Variants in GRID2 observed in about 807,000 individuals in gnomAD.
GRID2 encodes glutamate ionotropic receptor delta type subunit 2.
A neutral mutation model predicts 114.8 loss-of-function variants in GRID2; 33 were observed. That is an observed-to-expected ratio of 0.29 (90% CI 0.22 to 0.38). The LOEUF (loss-of-function observed/expected upper bound fraction) is 0.38. Ranked by LOEUF, GRID2 falls within the 10% of genes least tolerant of loss-of-function variation. The pLI is 1.00. For synonymous variants in GRID2, 505 were observed against 449.9 expected (o/e 1.12, Z -1.55); for missense variants, 1,184 against 1,257.7 (o/e 0.94, Z 0.89).
At chr4:92,771,421 T>A (rs540876744) in intron 2 of GRID2, among the ~76,000 whole-genome samples, 1 of 152,190 alleles carries the variant, frequency 6.6e-6, no homozygotes, top group Non-Finnish European at 1.5e-5. Context: ...GTAATCTGTT[T>A]TCTTCTTTCT....
chr4:92,550,785 A>C (rs1404570884), intron 1 of GRID2, among the ~76,000 whole-genome samples: 3 of 152,190 alleles, frequency 2.0e-5, no homozygotes, highest in Admixed American at 1.3e-4. Context: ...GAAAATCAAA[A>C]ATGTAATACT....
chr4:92,913,825 G>A (rs1030665284), intron 2 of GRID2, among the ~76,000 whole-genome samples: 6 of 151,918 alleles, frequency 3.9e-5, no homozygotes, highest in East Asian at 3.9e-4. Context: ...AAAGTGAAAC[G>A]ACTCAAATTC....
At chr4:93,307,215 TAA>T (rs1164505879) in intron 8 of GRID2, among the ~76,000 whole-genome samples, 1 of 95,092 alleles carries the variant, frequency 1.1e-5, no homozygotes. Context: ...AAGAAAAAAA[TAA>T]AAAAAAAAAA....
chr4:92,859,726 TC>T (rs2149433367), intron 2 of GRID2, among the ~76,000 whole-genome samples: 1 of 152,290 alleles, frequency 6.6e-6, no homozygotes, highest in East Asian at 1.9e-4. Flanking sequence ...GTTTCTTTAT[TC>T]TCTTTATTAG....
chr4:93,358,750 G>A (rs1761586486), intron 8 of GRID2, among the ~76,000 whole-genome samples: 3 of 151,794 alleles, frequency 2.0e-5, no homozygotes, highest in Admixed American at 2.0e-4. Context: ...ATCATATCTG[G>A]AACAAATAAG....
intron 10 of GRID2, 95 bp downstream of exon 10, chr4:93,423,063 A>G: frequency 1.2e-6 from 1 of 817,404 alleles, no homozygotes. Context: ...AGCTGATTTC[A>G]TATAAAATAA....
At chr4:92,982,120 C>T (rs1389366254) in intron 2 of GRID2, among the ~76,000 whole-genome samples, 2 of 151,212 alleles carry the variant, frequency 1.3e-5, no homozygotes, top group Non-Finnish European at 2.9e-5. Context: ...TTTTTACTCC[C>T]CTACTCAACT....
intron 13 of GRID2, among the ~76,000 whole-genome samples, chr4:93,527,797 G>C (rs536495438): frequency 6.6e-6 from 1 of 151,776 alleles, no homozygotes; most frequent in African/African-American, 2.4e-5. Flanking sequence ...TGCAACCATC[G>C]CCACCATCCA....
intron 13 of GRID2, among the ~76,000 whole-genome samples, chr4:93,529,431 C>A (rs528702613): frequency 6.6e-6 from 1 of 152,108 alleles, no homozygotes; most frequent in East Asian, 1.9e-4. Context: ...TTAGAGCCCA[C>A]GGCAGAACTA....
At chr4:92,370,050 G>A (rs988519221) in intron 1 of GRID2, among the ~76,000 whole-genome samples, 3 of 151,684 alleles carry the variant, frequency 2.0e-5, no homozygotes, top group Admixed American at 6.6e-5. Context: ...ACCATATATC[G>A]AGCAAGTCTA....
chr4:93,558,563 T>C (rs1734567741), intron 13 of GRID2, among the ~76,000 whole-genome samples: 1 of 152,076 alleles, frequency 6.6e-6, no homozygotes, highest in East Asian at 1.9e-4. Flanking sequence ...AATAGGCCAA[T>C]AGTAAGTTCT....
In GRID2 at chr4:93,531,792, C is replaced by T. The variant is rs569055878; in HGVS notation, c.2193+16381C>T. 1.2e-3 allele frequency among the ~76,000 whole-genome samples: 187 copies of T among 152,036 alleles called. 1 individual carries two copies. Among genetic ancestry groups the T allele is most frequent in the African/African-American group, 4.4e-3 (181 of 41,494 alleles). Reference sequence around the variant, plus strand: ...TTGCATATTTTATTTCTGCATATTACAATACATTATGTTCATTGTATTAAC... The same window carrying T: ...TTGCATATTTTATTTCTGCATATTATAATACATTATGTTCATTGTATTAAC... On this transcript the variant is annotated intron_variant, in intron 13 of 15. Coordinates refer to ENST00000282020, the MANE Select transcript of GRID2 (RefSeq NM_001510.4).
rs574377742 is a variant in GRID2 at position 93,600,855 on chromosome 4, T to C, written c.2194-25414T>C. 2.2e-4 allele frequency among the ~76,000 whole-genome samples: 33 copies of C among 152,290 alleles called. No individual in the cohort carries two copies. The East Asian group carries it at 5.6e-3, about 26-fold the overall frequency. ...GCAAGAAATAATAATGAGCTACTGA[T>C]ACACAAACCAGTTGGCTGTATCTGA... On this transcript the variant is annotated intron_variant, in intron 13 of 15. Coordinates refer to ENST00000282020, the MANE Select transcript of GRID2 (RefSeq NM_001510.4).
At chr4:92,581,473 T>C (rs1428080330) in intron 1 of GRID2, among the ~76,000 whole-genome samples, 1 of 152,102 alleles carries the variant, frequency 6.6e-6, no homozygotes, top group Non-Finnish European at 1.5e-5. Flanking sequence ...CAGTCAGACT[T>C]TTCCAGTGAT....
At chr4:93,117,618 GTTC>G (rs1553990649) in intron 4 of GRID2, among the ~76,000 whole-genome samples, 2 of 152,006 alleles carry the variant, frequency 1.3e-5, no homozygotes, top group Non-Finnish European at 2.9e-5. Context: ...ACAAGCAAGT[GTTC>G]TTTTCTCTAT....
intron 2 of GRID2, among the ~76,000 whole-genome samples, chr4:92,708,064 C>G (rs1326360911): frequency 6.6e-6 from 1 of 152,010 alleles, no homozygotes; most frequent in Non-Finnish European, 1.5e-5. Flanking sequence ...GGAAGTAAAA[C>G]AGAGGAAAGT....
intron 2 of GRID2, among the ~76,000 whole-genome samples, chr4:92,766,020 A>G (rs900320380): frequency 6.8e-6 from 1 of 147,676 alleles, no homozygotes; most frequent in Non-Finnish European, 1.5e-5. Flanking sequence ...TCCGATTTGC[A>G]TACTGATTCT....
At chr4:93,507,078 G>T (rs996069802) in intron 12 of GRID2, among the ~76,000 whole-genome samples, 1 of 152,114 alleles carries the variant, frequency 6.6e-6, no homozygotes, top group Non-Finnish European at 1.5e-5. Flanking sequence ...GAAACTTAGT[G>T]CTATTAAGCT....
chr4:92,444,442 GA>G (rs1451564074), intron 1 of GRID2, among the ~76,000 whole-genome samples: 2 of 152,152 alleles, frequency 1.3e-5, no homozygotes, highest in African/African-American at 4.8e-5. Flanking sequence ...TTGGCGCCAG[GA>G]TGAGCCAGGA....
Sources: allele counts gnomAD v4.1 joint callset (sites outside exome capture counted in the v4.1 genomes callset), GRCh38; gene constraint gnomAD v4.1.1; transcripts MANE v1.5; gene names NCBI Gene and HGNC (gene_info 2026-07-23, HGNC 2026-07-21).